The following PTPRO variants were observed in gnomAD, a reference collection of about 807,000 sequenced individuals.
PTPRO encodes the protein protein tyrosine phosphatase receptor type O.
Under a neutral mutation model 145.2 loss-of-function variants are expected in PTPRO, and 62 were observed. The ratio of observed to expected loss-of-function variants is 0.43; its 90% CI spans 0.35 to 0.53. The LOEUF (loss-of-function observed/expected upper bound fraction) is 0.53, where lower values mean the gene tolerates loss of function less well. Among genes scored for constraint, PTPRO ranks in the 20% least tolerant of loss-of-function variants. The pLI is 0.01. For missense variants in PTPRO, 1,345 were observed against 1,482.7 expected, an observed-to-expected ratio of 0.91 and a Z score of 1.53; for synonymous variants, 565 against 514.7, an observed-to-expected ratio of 1.10 and a Z score of -1.32.
chr12:15,580,963 C>T (rs1944299160), intron 22 of PTPRO, 132 bp downstream of exon 22: 6 of 1,273,974 alleles, frequency 4.7e-6, no homozygotes, highest in Middle Eastern at 3.8e-4. Flanking sequence ...ACATTGTATT[C>T]GGGAAGCAAG....
intron 1 of PTPRO, among the ~76,000 whole-genome samples, chr12:15,452,386 C>T (rs2199345): frequency 0.86 from 130,782 of 152,098 alleles, 59,101 homozygotes; most frequent in Non-Finnish European, 0.99. Context: ...CAGGACTAGA[C>T]GGATTCACAG....
chr12:15,399,847 T>C (rs1183498073), intron 1 of PTPRO, among the ~76,000 whole-genome samples: 2 of 151,508 alleles, frequency 1.3e-5, no homozygotes, highest in Non-Finnish European at 2.9e-5. Context: ...GGTCAGGGGT[T>C]CGAGACCAAC....
intron 13 of PTPRO, among the ~76,000 whole-genome samples, chr12:15,548,681 A>T (rs1452508069): frequency 1.3e-5 from 2 of 152,138 alleles, no homozygotes; most frequent in Non-Finnish European, 2.9e-5. Flanking sequence ...AAATTATGGT[A>T]TGTCCTTTCA....
chr12:15,547,676 G>A (rs1943330596), intron 13 of PTPRO, among the ~76,000 whole-genome samples: 1 of 152,090 alleles, frequency 6.6e-6, no homozygotes, highest in African/African-American at 2.4e-5. Context: ...GAAAATAACT[G>A]CTCTGCCAAT....
Position 15,322,708 on chromosome 12 carries a change from A to C in PTPRO, c.-19A>C, listed in dbSNP as rs1256587627. 1 of 1,605,404 alleles carries C rather than the reference A, an allele frequency of 6.2e-7. No individual in the cohort carries two copies. The highest frequency in any genetic ancestry group is 8.5e-7 in the Non-Finnish European group (1 of 1,175,502). On this transcript the variant is annotated 5_prime_UTR_variant, in exon 1 of 27. Coordinates refer to ENST00000281171, the MANE Select transcript of PTPRO (RefSeq NM_030667.3). This position sits in a 1 kb window ranked among gnomAD's most constrained non-coding sequence, Gnocchi z 6.3. ...GTCCGCTAGCGCAGCCGTGCCCCCG[A>C]GTCCCCGTCCGCGCAGCGATGGGGC...
At chr12:15,502,796 G>T (rs942442304) in intron 5 of PTPRO, among the ~76,000 whole-genome samples, 1 of 151,926 alleles carries the variant, frequency 6.6e-6, no homozygotes, top group Non-Finnish European at 1.5e-5. Context: ...GTTATTTGTT[G>T]TTTGTTTAGT....
At position 15,580,056 on chromosome 12, in the gene PTPRO, A is replaced by C; in HGVS notation, c.2938A>C (p.Arg980=). The C allele has an allele frequency of 6.2e-7, 1 of 1,613,104 alleles. No homozygotes were observed. The part of the protein sequence containing the change: ...NILPYDFSRV[R]LVSMNEEEGA... ...CTCTACAGATGACTTCAGCCGTGTG[A>C]GATTAGTCTCCATGAATGAAGAGGA... The change falls in exon 21 of 27, where the codon AGA becomes CGA. Residue 980 remains arginine (R), a synonymous_variant. Coordinates refer to ENST00000281171, the MANE Select transcript of PTPRO (RefSeq NM_030667.3).
chr12:15,396,060 T>C (rs1542480), intron 1 of PTPRO, among the ~76,000 whole-genome samples: 10,600 of 152,266 alleles, frequency 0.07, 398 homozygotes, highest in African/African-American at 0.085. Flanking sequence ...TCTGTGTGTG[T>C]AGTACACTGT....
At chr12:15,355,247 C>A (rs1248596315) in intron 1 of PTPRO, among the ~76,000 whole-genome samples, 1 of 152,216 alleles carries the variant, frequency 6.6e-6, no homozygotes, top group Non-Finnish European at 1.5e-5. Context: ...TCCCCAAAAT[C>A]TTCCCCTACA....
intron 1 of PTPRO, among the ~76,000 whole-genome samples, chr12:15,323,264 G>C (rs1866354310): frequency 6.6e-6 from 1 of 152,146 alleles, no homozygotes; most frequent in Non-Finnish European, 1.5e-5. Flanking sequence ...GACACAAATG[G>C]ACTGCCAGGG....
At chr12:15,415,738 G>C (rs191628345) in intron 1 of PTPRO, among the ~76,000 whole-genome samples, 1 of 151,762 alleles carries the variant, frequency 6.6e-6, no homozygotes, top group Non-Finnish European at 1.5e-5. Context: ...AAAATAGCCT[G>C]GTAAAAATTA....
intron 1 of PTPRO, among the ~76,000 whole-genome samples, chr12:15,421,969 T>G (rs1940159074): frequency 6.6e-6 from 1 of 152,108 alleles, no homozygotes; most frequent in Non-Finnish European, 1.5e-5. Context: ...TTTTTAAAAT[T>G]TTATTTATTA....
intron 1 of PTPRO, among the ~76,000 whole-genome samples, chr12:15,451,796 A>G (rs1169953438): frequency 6.6e-6 from 1 of 152,226 alleles, no homozygotes; most frequent in East Asian, 1.9e-4. Flanking sequence ...TTTGAACTGA[A>G]CAATAATAGT....
intron 12 of PTPRO, among the ~76,000 whole-genome samples, chr12:15,533,646 T>C (rs946074723): frequency 3.3e-5 from 5 of 152,140 alleles, no homozygotes; most frequent in Admixed American, 1.3e-4. Context: ...ATTGCAGGTT[T>C]TGTGTGTGTT....
intron 1 of PTPRO, among the ~76,000 whole-genome samples, chr12:15,347,614 A>G (rs1867269977): frequency 6.6e-6 from 1 of 152,184 alleles, no homozygotes; most frequent in African/African-American, 2.4e-5. Context: ...ACATACAGAC[A>G]CTCAGATAGT....
intron 1 of PTPRO, among the ~76,000 whole-genome samples, chr12:15,473,696 G>A (rs1941591075): frequency 1.4e-5 from 2 of 141,022 alleles, no homozygotes. Flanking sequence ...GAACCCAGGA[G>A]ACAGAGGTTG....
chr12:15,359,572 T>A (rs1475900292), intron 1 of PTPRO, among the ~76,000 whole-genome samples: 2 of 151,264 alleles, frequency 1.3e-5, no homozygotes. Context: ...CTAGCTAATT[T>A]TATTTATTTA....
In PTPRO at chr12:15,526,179, C is replaced by T. The variant is rs1273815814; in HGVS notation, c.2081C>T (p.Pro694Leu). 2 of 1,613,830 alleles carry T rather than the reference C, an allele frequency of 1.2e-6. No homozygotes were observed. The highest frequency in any genetic ancestry group is 1.7e-6 in the Non-Finnish European group (2 of 1,179,928). ...RNVMTAILSL[P>L]PGDIYNLSVT... is the part of the protein sequence containing the mutation. ...GTCATGACTGCAATTCTCAGCTTGC[C>T]TCCAGGCGACATCTATAACCTCTCA... Residue 694 changes from proline (P) to leucine (L), a missense_variant, in exon 12 of 27, where the codon CCT becomes CTT. By Grantham distance (98) the Pro-to-Leu change is moderately conservative. Transcript: ENST00000281171.
chr12:15,405,865 A>G (rs1939634351), intron 1 of PTPRO, among the ~76,000 whole-genome samples: 1 of 152,214 alleles, frequency 6.6e-6, no homozygotes, highest in African/African-American at 2.4e-5. Flanking sequence ...AAGCAGAACC[A>G]AGGGAGAAAG....
Sources: allele counts gnomAD v4.1 joint callset (sites outside exome capture counted in the v4.1 genomes callset), GRCh38; gene constraint gnomAD v4.1.1; non-coding constraint Gnocchi (gnomAD v3.1); transcripts MANE v1.5; gene names NCBI Gene and HGNC (gene_info 2026-07-23, HGNC 2026-07-21).